Variants in UNC80 observed in about 807,000 individuals in gnomAD.
The protein encoded by UNC80 is unc-80 subunit of NALCN channel complex, also known as protein unc-80 homolog.
A neutral mutation model predicts 384.6 loss-of-function variants in UNC80; 164 were observed. The observed-to-expected ratio is 0.43, with a 90% CI of 0.38 to 0.49. The LOEUF (loss-of-function observed/expected upper bound fraction) is 0.49, where lower values mean the gene tolerates loss of function less well. UNC80 is among the 20% of genes least tolerant of loss of function. The probability of loss-of-function intolerance (pLI) is 0.00; values close to 1 mark genes in which losing one functional copy is unlikely to be tolerated. For missense variants in UNC80, 3,330 were observed against 4,143.0 expected, an observed-to-expected ratio of 0.80 and a Z score of 5.39; for synonymous variants, 1,486 against 1,527.8, an observed-to-expected ratio of 0.97 and a Z score of 0.64.
intron 48 of UNC80, among the ~76,000 whole-genome samples, chr2:209,955,738 T>TATATATACACAC (rs1437539911): frequency 5.6e-5 from 3 of 53,556 alleles, no homozygotes; most frequent in Non-Finnish European, 6.2e-5. Context: ...TATATATATA[T>TATATATACACAC]ACACACACAC....
At chr2:209,929,081 CCTTTAA>C (rs1478881111) in intron 36 of UNC80, among the ~76,000 whole-genome samples, 6 of 152,094 alleles carry the variant, frequency 3.9e-5, no homozygotes, top group Admixed American at 1.3e-4. Flanking sequence ...ATTTATATGT[CCTTTAA>C]CTTTAACTGT....
Position 209,997,315 on chromosome 2 carries a change from T to C in UNC80, c.*1720T>C, listed in dbSNP as rs568821352. ...TTTACAGTTAATGCTGAAATAATTCTCAAGTGCAGGAATATAAATGTTAAG... is the reference window on the plus strand; with the variant it reads ...TTTACAGTTAATGCTGAAATAATTCCCAAGTGCAGGAATATAAATGTTAAG... On this transcript the variant is annotated 3_prime_UTR_variant, in exon 65 of 65. Transcript: ENST00000673920. The C allele has an allele frequency of 7.9e-5, 12 of 152,340 alleles. No homozygotes were observed. The highest frequency in any genetic ancestry group is 2.9e-4 in the African/African-American group (12 of 41,584). The allele number at this position is 152,340 out of a possible 1,614,324, so 9.4% of individuals were successfully genotyped here.
intron 21 of UNC80, among the ~76,000 whole-genome samples, chr2:209,842,798 A>C (rs141129140): frequency 0.013 from 2,036 of 152,312 alleles, 49 homozygotes; most frequent in African/African-American, 0.045. Context: ...ATATCCCTGA[A>C]AGGTGGCCAG....
rs2086613716 is a variant in UNC80 at position 209,894,286 on chromosome 2, G to A, written c.4400G>A (p.Ser1467Asn). The A allele has an allele frequency of 8.1e-6, 8 of 985,294 alleles. No individual in the cohort carries two copies. The South Asian group carries it at 2.3e-4, about 29-fold the overall frequency. 61.0% of individuals were successfully genotyped at this position (985,294 alleles called of 1,614,324 possible). A position where few individuals can be genotyped will look rare whatever the true frequency, so the allele number is the denominator to read the frequency against. ...CGCCGGGTCGGCAGCTTAAAGAGCA[G>A]CAAGTTATCACGGCAGGACTCAGAG... is the stretch of plus-strand genomic sequence containing the variant. ...SIRRVGSLKS[S>N]KLSRQDSESE... The change falls in exon 27 of 65, where the codon AGC (serine) becomes AAC (asparagine). Residue 1467 changes from serine (S) to asparagine (N), a missense_variant. By Grantham distance (46) the Ser-to-Asn change is conservative. Transcript: ENST00000673920.
At position 209,995,584 on chromosome 2, in the gene UNC80, T is replaced by A. The variant is rs1326827271; in HGVS notation, c.9964T>A (p.Ser3322Thr). Residue 3322 changes from serine to threonine, a missense_variant, in exon 65 of 65, where the codon TCT (serine) becomes ACT (threonine). Ser to Thr is a moderately conservative substitution (Grantham distance 58, BLOSUM62 1). Transcript: ENST00000673920. ...LGKTDAVLDE[S>T]HV ...GAAAACGGATGCAGTATTAGATGAG[T>A]CTCATGTTTAATTCTGTATCTTGTA... 1.3e-6 allele frequency: 2 copies of A among 1,551,876 alleles called. No homozygotes were observed. The highest frequency in any genetic ancestry group is 8.7e-7 in the Non-Finnish European group (1 of 1,147,060).
intron 2 of UNC80, among the ~76,000 whole-genome samples, chr2:209,775,167 G>T (rs1220795603): frequency 2.0e-5 from 3 of 152,044 alleles, no homozygotes; most frequent in Non-Finnish European, 4.4e-5. Flanking sequence ...AATTAAGTAG[G>T]TCAGAGTTGT....
intron 6 of UNC80, among the ~76,000 whole-genome samples, chr2:209,793,222 A>G (rs2077935595): frequency 1.3e-5 from 2 of 152,240 alleles, no homozygotes; most frequent in Admixed American, 1.3e-4. Context: ...CTTATAAATC[A>G]GAATAAAGGT....
At chr2:209,824,049 A>G (rs991889699) in intron 13 of UNC80, among the ~76,000 whole-genome samples, 1 of 152,162 alleles carries the variant, frequency 6.6e-6, no homozygotes, top group South Asian at 2.1e-4. Flanking sequence ...GCTTGTGTAT[A>G]TAAGGCCTAT....
At chr2:209,877,840 C>T in intron 23 of UNC80, 114 bp from the exon 24 acceptor site, 3 of 1,216,498 alleles carry the variant, frequency 2.5e-6, no homozygotes, top group Non-Finnish European at 3.3e-6. Context: ...ACAGAAGAGG[C>T]TTATGCTGGA....
intron 45 of UNC80, 121 bp from the exon 46 acceptor site, chr2:209,944,929 CT>C (rs1159674717): frequency 1.6e-5 from 19 of 1,156,502 alleles, no homozygotes; most frequent in Non-Finnish European, 2.2e-5. Context: ...ATTATGTAAG[CT>C]GAATTCCAGG....
At chr2:209,812,659 C>A (rs1241709303) in intron 7 of UNC80, among the ~76,000 whole-genome samples, 1 of 152,078 alleles carries the variant, frequency 6.6e-6, no homozygotes, top group African/African-American at 2.4e-5. Context: ...CATCTTGGAT[C>A]CCGGAAGTTC....
intron 22 of UNC80, among the ~76,000 whole-genome samples, chr2:209,858,365 A>G (rs2083092017): frequency 6.6e-6 from 1 of 152,096 alleles, no homozygotes; most frequent in Non-Finnish European, 1.5e-5. Context: ...CCAATCCTTT[A>G]CTTTCAACTT....
Position 209,998,851 on chromosome 2 carries a change from A to C in UNC80, c.*3256A>C, listed in dbSNP as rs1255591582. On this transcript the variant is annotated 3_prime_UTR_variant, in exon 65 of 65. Coordinates refer to ENST00000673920, the MANE Select transcript of UNC80 (RefSeq NM_001371986.1). ...TCCCATTCCATGGCCTTGTCTTGGC[A>C]GGGAGTAAAAAATCCCACTTCTTTT... The C allele has an allele frequency of 2.0e-5, 3 of 152,214 alleles. No homozygotes were observed. The highest frequency in any genetic ancestry group is 4.4e-5 in the Non-Finnish European group (3 of 68,026). 9.4% of individuals were successfully genotyped at this position (152,214 alleles called of 1,614,324 possible). A position where few individuals can be genotyped will look rare whatever the true frequency, so the allele number is the denominator to read the frequency against.
chr2:209,800,525 T>G (rs1333924240), intron 7 of UNC80, among the ~76,000 whole-genome samples: 1 of 152,086 alleles, frequency 6.6e-6, no homozygotes, highest in African/African-American at 2.4e-5. Flanking sequence ...ATTTGTTGAT[T>G]TTTTGTAAGG....
At chr2:209,810,902 A>G (rs979796494) in intron 7 of UNC80, among the ~76,000 whole-genome samples, 3 of 151,992 alleles carry the variant, frequency 2.0e-5, no homozygotes, top group Non-Finnish European at 4.4e-5. Context: ...AGCCAACCCT[A>G]TACTTTGTCT....
chr2:209,957,860 A>C, intron 49 of UNC80, 124 bp downstream of exon 49: 1 of 842,746 alleles, frequency 1.2e-6, no homozygotes, highest in Non-Finnish European at 1.8e-6. Flanking sequence ...CAAGGAAAAG[A>C]AAAGAAGGTG....
At chr2:209,785,486 C>T (rs1488534693) in intron 4 of UNC80, among the ~76,000 whole-genome samples, 1 of 152,054 alleles carries the variant, frequency 6.6e-6, no homozygotes, top group Admixed American at 6.6e-5. Context: ...ATGCTCGGGG[C>T]TGAGAGGGAA....
rs2092506840 is a variant in UNC80 at position 209,959,043 on chromosome 2, A to C, written c.7551-76A>C. Reference sequence around the variant, plus strand: ...ATAGCTTCAAGGGCTTTTCATATGAAAGTCGATAAGAAGCCCCAACCAAAG... The same window carrying C: ...ATAGCTTCAAGGGCTTTTCATATGACAGTCGATAAGAAGCCCCAACCAAAG... On this transcript the variant is annotated intron_variant, in intron 49 of 64. Coordinates refer to ENST00000673920, the MANE Select transcript of UNC80 (RefSeq NM_001371986.1). The C allele has an allele frequency of 1.0e-5, 13 of 1,257,686 alleles. No homozygotes were observed. In the East Asian group the frequency reaches 3.0e-4, roughly 29 times the overall value. 77.9% of individuals were successfully genotyped at this position (1,257,686 alleles called of 1,614,324 possible).
intron 28 of UNC80, among the ~76,000 whole-genome samples, chr2:209,901,123 C>T (rs1238522005): frequency 6.6e-6 from 1 of 152,156 alleles, no homozygotes; most frequent in Non-Finnish European, 1.5e-5. Flanking sequence ...GGTGGCTATA[C>T]TATAAAATGA....
Sources: allele counts gnomAD v4.1 joint callset (sites outside exome capture counted in the v4.1 genomes callset), GRCh38; gene constraint gnomAD v4.1.1; transcripts MANE v1.5; gene names NCBI Gene and HGNC (gene_info 2026-07-23, HGNC 2026-07-21).